MARCHF1: variants seen among roughly 807,000 people sequenced by gnomAD.
The protein encoded by MARCHF1 is membrane associated ring-CH-type finger 1.
Under a neutral mutation model 54.2 loss-of-function variants are expected in MARCHF1, and 40 were observed. The ratio of observed to expected loss-of-function variants is 0.74; its 90% confidence interval spans 0.57 to 0.96. The LOEUF (loss-of-function observed/expected upper bound fraction) is 0.96. Ranked by LOEUF, MARCHF1 falls within the 40% of genes least tolerant of loss-of-function variation. The pLI is 0.00. For synonymous variants in MARCHF1, 236 were observed against 236.3 expected (o/e 1.00, Z 0.01); for missense variants, 586 against 656.5 (o/e 0.89, Z 1.17).
chr4:164,121,638 T>G (rs1756068985), intron 1 of MARCHF1, among the ~76,000 whole-genome samples: 1 of 151,964 alleles, frequency 6.6e-6, no homozygotes, highest in Non-Finnish European at 1.5e-5. Context: ...AAGATGAGAT[T>G]TGGGTGGGGC....
chr4:164,144,556 T>G (rs888474445), intron 1 of MARCHF1, among the ~76,000 whole-genome samples: 10 of 151,902 alleles, frequency 6.6e-5, no homozygotes, highest in African/African-American at 2.4e-4. Context: ...CTGAACAACC[T>G]GCTCCTGAAT....
At chr4:163,781,575 G>A (rs1747467552) in intron 4 of MARCHF1, among the ~76,000 whole-genome samples, 1 of 152,188 alleles carries the variant, frequency 6.6e-6, no homozygotes, top group Admixed American at 6.5e-5. Context: ...AAAAGCTAAT[G>A]GCCAAGAAAT....
At chr4:164,112,833 A>T (rs1755861667) in intron 1 of MARCHF1, among the ~76,000 whole-genome samples, 1 of 151,906 alleles carries the variant, frequency 6.6e-6, no homozygotes, top group Non-Finnish European at 1.5e-5. Flanking sequence ...AATTTCCATT[A>T]ATTTTTAAAT....
At chr4:164,229,136 G>C (rs1732339298) in intron 1 of MARCHF1, among the ~76,000 whole-genome samples, 1 of 152,310 alleles carries the variant, frequency 6.6e-6, no homozygotes, top group South Asian at 2.1e-4. Context: ...TTACCTTGTA[G>C]TTTTCAATGT....
intron 4 of MARCHF1, among the ~76,000 whole-genome samples, chr4:163,792,261 A>C (rs988297367): frequency 6.6e-6 from 1 of 152,202 alleles, no homozygotes; most frequent in Non-Finnish European, 1.5e-5. Context: ...AGAAAATCCC[A>C]ATAGCAAAAT....
At chr4:164,188,660 G>A (rs539713828) in intron 1 of MARCHF1, 7 of 1,094,372 alleles carry the variant, frequency 6.4e-6, no homozygotes, top group East Asian at 2.4e-5. Flanking sequence ...GGTCTTTGAC[G>A]CCAAGTGGCT....
intron 1 of MARCHF1, among the ~76,000 whole-genome samples, chr4:164,208,212 T>A (rs1013473890): frequency 3.9e-5 from 6 of 152,252 alleles, no homozygotes; most frequent in African/African-American, 1.2e-4. Context: ...GCCTGCTAGG[T>A]CATATCAAGA....
chr4:163,582,439 T>C (rs1740260428), intron 8 of MARCHF1, among the ~76,000 whole-genome samples: 1 of 152,190 alleles, frequency 6.6e-6, no homozygotes, highest in Non-Finnish European at 1.5e-5. Flanking sequence ...GGAGTAAGAG[T>C]TGCAATTAAT....
At chr4:163,542,350 A>G (rs868637712) in intron 9 of MARCHF1, among the ~76,000 whole-genome samples, 9 of 152,128 alleles carry the variant, frequency 5.9e-5, no homozygotes, top group African/African-American at 2.2e-4. Context: ...AGCACCGGGG[A>G]GATGTAGTGG....
At chr4:164,233,808 A>G (rs767040336) in intron 1 of MARCHF1, among the ~76,000 whole-genome samples, 13 of 152,198 alleles carry the variant, frequency 8.5e-5, no homozygotes, top group Non-Finnish European at 1.6e-4. Context: ...AACCATGTAA[A>G]TATTTTGGCA....
chr4:163,767,824 TAAAA>T (rs1189314847), intron 4 of MARCHF1, among the ~76,000 whole-genome samples: 4 of 152,076 alleles, frequency 2.6e-5, no homozygotes, highest in Non-Finnish European at 4.4e-5. Flanking sequence ...TTCTTTAAAA[TAAAA>T]AAAGAAAATT....
intron 1 of MARCHF1, among the ~76,000 whole-genome samples, chr4:164,142,330 G>A (rs1229104654): frequency 6.6e-6 from 1 of 152,152 alleles, no homozygotes; most frequent in African/African-American, 2.4e-5. Flanking sequence ...ACAGCTCAAG[G>A]AGGCCTGCCT....
intron 4 of MARCHF1, among the ~76,000 whole-genome samples, chr4:163,707,174 G>A (rs1285525407): frequency 6.6e-6 from 1 of 151,920 alleles, no homozygotes; most frequent in African/African-American, 2.4e-5. Flanking sequence ...TCTTGGGGTG[G>A]GAAAGATTTA....
At chr4:163,763,364 C>G (rs1307363202) in intron 4 of MARCHF1, among the ~76,000 whole-genome samples, 1 of 152,040 alleles carries the variant, frequency 6.6e-6, no homozygotes, top group African/African-American at 2.4e-5. Context: ...TAACCCTCCC[C>G]TGATTTAATG....
chr4:163,664,504 C>T (rs76853402), intron 5 of MARCHF1, among the ~76,000 whole-genome samples: 1 of 152,026 alleles, frequency 6.6e-6, no homozygotes, highest in African/African-American at 2.4e-5. Flanking sequence ...TTCCCCAACA[C>T]CCTAGCCAGT....
intron 2 of MARCHF1, among the ~76,000 whole-genome samples, chr4:164,017,461 A>G (rs1753568244): frequency 6.6e-6 from 1 of 152,092 alleles, no homozygotes. Context: ...TAATTGAATT[A>G]AGACAAATTA....
At position 164,254,278 on chromosome 4, in the gene MARCHF1, C is replaced by T. The variant is rs931639776; in HGVS notation, c.-323+129592G>A. ...TGCTGGCCAGGTTGGTCTCTGTATT[C>T]GTCAGGTTTCTCTTAAAGGGACAGA... On this transcript the variant is annotated intron_variant, in intron 1 of 9. Coordinates refer to ENST00000514618, the MANE Select transcript of MARCHF1 (RefSeq NM_001394959.1). 4.7e-5 allele frequency among the ~76,000 whole-genome samples: 7 copies of T among 150,174 alleles called. No individual in the cohort carries two copies. The Admixed American group carries it at 4.7e-4, about 10-fold the overall frequency.
intron 8 of MARCHF1, among the ~76,000 whole-genome samples, chr4:163,583,148 G>A (rs570281186): frequency 6.6e-6 from 1 of 152,292 alleles, no homozygotes; most frequent in South Asian, 2.1e-4. Flanking sequence ...CAGAAAGAGA[G>A]GGAAGGCTGA....
intron 5 of MARCHF1, among the ~76,000 whole-genome samples, chr4:163,664,748 A>G (rs1743471833): frequency 6.6e-6 from 1 of 152,118 alleles, no homozygotes; most frequent in South Asian, 2.1e-4. Context: ...ATTTTATTAT[A>G]AATTTGTCTA....
Sources: allele counts gnomAD v4.1 joint callset (sites outside exome capture counted in the v4.1 genomes callset), GRCh38; gene constraint gnomAD v4.1.1; transcripts MANE v1.5; gene names NCBI Gene and HGNC (gene_info 2026-07-23, HGNC 2026-07-21).